The following EEA1 variants were observed in gnomAD, a reference collection of about 807,000 sequenced individuals.
EEA1 encodes early endosome antigen 1, also known as early endosome antigen 1, 162kD.
A neutral mutation model predicts 209.2 loss-of-function variants in EEA1; 111 were observed. The ratio of observed to expected loss-of-function variants is 0.53; its 90% confidence interval spans 0.45 to 0.62. The LOEUF is 0.62. Among genes scored for constraint, EEA1 ranks in the 20% least tolerant of loss-of-function variants. The probability of loss-of-function intolerance (pLI) is 0.00; values close to 1 mark genes in which losing one functional copy is unlikely to be tolerated. For synonymous variants in EEA1, 536 were observed against 540.6 expected (o/e 0.99, Z 0.12); for missense variants, 1,343 against 1,530.8 (o/e 0.88, Z 2.05).
chr12:92,928,607 G>C (rs995076123), intron 1 of EEA1, among the ~76,000 whole-genome samples: 5 of 151,996 alleles, frequency 3.3e-5, no homozygotes, highest in Admixed American at 1.3e-4. Flanking sequence ...TGGGGGGCAC[G>C]GGGAGTGCGG....
chr12:92,783,442 T>A (rs767834585), intron 22 of EEA1, among the ~76,000 whole-genome samples: 5 of 152,106 alleles, frequency 3.3e-5, no homozygotes, highest in Non-Finnish European at 7.4e-5. Context: ...TATTTTGTCA[T>A]GGAATAAAAA....
At chr12:92,903,435 T>G (rs1466398402) in intron 1 of EEA1, among the ~76,000 whole-genome samples, 1 of 151,206 alleles carries the variant, frequency 6.6e-6, no homozygotes, top group African/African-American at 2.4e-5. Flanking sequence ...CCATCTCCAC[T>G]AAAAATATAA....
chr12:92,793,645 T>C (rs1874516010), intron 21 of EEA1, among the ~76,000 whole-genome samples: 1 of 152,130 alleles, frequency 6.6e-6, no homozygotes, highest in African/African-American at 2.4e-5. Context: ...CACAAACAAA[T>C]GGAAGAATAT....
At chr12:92,925,898 T>TA (rs1881192151) in intron 1 of EEA1, among the ~76,000 whole-genome samples, 1 of 152,176 alleles carries the variant, frequency 6.6e-6, no homozygotes, top group Non-Finnish European at 1.5e-5. Flanking sequence ...TTTCTTCTTT[T>TA]AAAAAATGCT....
intron 2 of EEA1, among the ~76,000 whole-genome samples, chr12:92,867,744 G>A (rs1452838184): frequency 1.3e-5 from 2 of 152,068 alleles, no homozygotes; most frequent in African/African-American, 4.8e-5. Context: ...CAGGAACACA[G>A]GAGAAGTATC....
At chr12:92,869,741 A>C (rs2136728984) in intron 2 of EEA1, among the ~76,000 whole-genome samples, 1 of 117,646 alleles carries the variant, frequency 8.5e-6, no homozygotes, top group African/African-American at 3.2e-5. Context: ...TGACACAGTG[A>C]GATTCTGCCT....
intron 2 of EEA1, among the ~76,000 whole-genome samples, chr12:92,866,590 C>G (rs1406776790): frequency 6.6e-6 from 1 of 151,978 alleles, no homozygotes; most frequent in Non-Finnish European, 1.5e-5. Context: ...AGGGCTCTCT[C>G]ATTGACCTCC....
At chr12:92,844,255 G>C (rs941706412) in intron 9 of EEA1, among the ~76,000 whole-genome samples, 19 of 152,052 alleles carry the variant, frequency 1.2e-4, no homozygotes, top group Non-Finnish European at 1.3e-4. Flanking sequence ...TGTTCCAGAT[G>C]GGCTAAAAGT....
At position 92,783,599 on chromosome 12, in the gene EEA1, C is replaced by A. The variant is rs114169219; in HGVS notation, c.3151-1464G>T. On this transcript the variant is annotated intron_variant, in intron 22 of 28. Coordinates refer to ENST00000322349, the MANE Select transcript of EEA1 (RefSeq NM_003566.4). ...GTAGTGATTGTCATTTAACATAGTC[C>A]ATAGTTGTTGACTGTTTTAAAGCCC... is the stretch of plus-strand genomic sequence containing the variant. Among the ~76,000 whole-genome samples the A allele has an allele frequency of 3.2e-3, 486 of 152,218 alleles. 3 individuals carry two copies. Among genetic ancestry groups the A allele is most frequent in the African/African-American group, 0.011 (458 of 41,542 alleles).
At chr12:92,912,212 C>T (rs1275279485) in intron 1 of EEA1, among the ~76,000 whole-genome samples, 1 of 152,184 alleles carries the variant, frequency 6.6e-6, no homozygotes, top group East Asian at 1.9e-4. Context: ...TCTTGCAGCA[C>T]TTACTCATAA....
At chr12:92,827,590 A>T (rs1239734331) in intron 12 of EEA1, among the ~76,000 whole-genome samples, 1 of 152,218 alleles carries the variant, frequency 6.6e-6, no homozygotes, top group Non-Finnish European at 1.5e-5. Flanking sequence ...ATCTTTACCA[A>T]CAATTCATAG....
Position 92,802,665 on chromosome 12 carries a change from G to A in EEA1, c.2409C>T (p.Thr803=). The A allele has an allele frequency of 6.2e-7, 1 of 1,605,676 alleles. No homozygotes were observed. Among genetic ancestry groups the A allele is most frequent in the Non-Finnish European group, 8.5e-7 (1 of 1,177,758 alleles). ...EALESIKQKL[T]KQEEEKKILK... ...GGATTTTTTTTTCTTCCTCTTGCTT[G>A]GTAAGCTTTTGCTTGATACTTTCAA... The change falls in exon 19 of 29, where the codon ACC becomes ACT. Residue 803 remains threonine, a synonymous_variant. Coordinates refer to ENST00000322349, the MANE Select transcript of EEA1 (RefSeq NM_003566.4).
chr12:92,792,923 G>A (rs920999514), intron 21 of EEA1, among the ~76,000 whole-genome samples: 2 of 152,162 alleles, frequency 1.3e-5, no homozygotes, highest in African/African-American at 4.8e-5. Flanking sequence ...ACATCAAAAA[G>A]CTTATCCACC....
chr12:92,876,315 A>T (rs1413691842), intron 2 of EEA1, among the ~76,000 whole-genome samples: 1 of 152,010 alleles, frequency 6.6e-6, no homozygotes, highest in Non-Finnish European at 1.5e-5. Flanking sequence ...CTCCCACCAC[A>T]GCCTCCCAAA....
At chr12:92,777,036 T>G (rs1873685958) in intron 27 of EEA1, 94 bp from the exon 28 acceptor site, 1 of 1,309,966 alleles carries the variant, frequency 7.6e-7, no homozygotes, top group Non-Finnish European at 1.1e-6. Context: ...CTATAAAATT[T>G]TGACTATATG....
chr12:92,846,594 A>C (rs1877395733), intron 9 of EEA1, among the ~76,000 whole-genome samples: 5 of 152,208 alleles, frequency 3.3e-5, no homozygotes, highest in African/African-American at 9.6e-5. Flanking sequence ...TACAGCTTAG[A>C]TATTTTCAAT....
At chr12:92,816,796 G>C (rs1213343487) in intron 14 of EEA1, among the ~76,000 whole-genome samples, 1 of 145,842 alleles carries the variant, frequency 6.9e-6, no homozygotes, top group Non-Finnish European at 1.5e-5. Flanking sequence ...TCTAACTCCA[G>C]CCAATCACTG....
At chr12:92,825,436 G>A (rs1225769538) in intron 13 of EEA1, among the ~76,000 whole-genome samples, 1 of 151,372 alleles carries the variant, frequency 6.6e-6, no homozygotes, top group South Asian at 2.1e-4. Context: ...CTCCAGCCTG[G>A]GCGAAAGAGC....
At chr12:92,797,276 C>G (rs142389100) in intron 21 of EEA1, among the ~76,000 whole-genome samples, 2,016 of 152,160 alleles carry the variant, frequency 0.013, 28 homozygotes, top group Non-Finnish European at 0.016. Flanking sequence ...TTAGTAGAGA[C>G]AGGATTTCAC....
Sources: gnomAD v4.1 joint callset for allele counts (sites outside exome capture counted in the v4.1 genomes callset) on GRCh38, gnomAD v4.1.1 for gene constraint, MANE v1.5 for transcripts, NCBI Gene and HGNC (gene_info 2026-07-23, HGNC 2026-07-21) for gene names.